Variants in GAPVD1 observed in about 807,000 individuals in gnomAD.
The protein encoded by GAPVD1 is GTPase activating protein and VPS9 domains 1, also known as GTPase-activating protein and VPS9 domain-containing protein 1.
GAPVD1 carries 35 observed loss-of-function variants against 155.5 expected under a neutral mutation model. That is an observed-to-expected ratio of 0.23 (90% confidence interval 0.17 to 0.30). GAPVD1 has a LOEUF of 0.30. Among genes scored for constraint, GAPVD1 ranks in the 10% least tolerant of loss-of-function variants. The pLI, the probability that GAPVD1 is intolerant of heterozygous loss-of-function variation, is 1.00. For synonymous variants in GAPVD1, 636 were observed against 619.7 expected (o/e 1.03, Z -0.39); for missense variants, 1,429 against 1,775.7 (o/e 0.80, Z 3.51).
At chr9:125,316,321 C>T (rs983723059) in intron 9 of GAPVD1, among the ~76,000 whole-genome samples, 1 of 151,990 alleles carries the variant, frequency 6.6e-6, no homozygotes, top group Non-Finnish European at 1.5e-5. Flanking sequence ...AATGATATCC[C>T]TCCCCTAACC....
At chr9:125,312,355 A>G in intron 8 of GAPVD1, 97 bp from the exon 9 acceptor site, 1 of 762,594 alleles carries the variant, frequency 1.3e-6, no homozygotes, top group Non-Finnish European at 2.1e-6. Flanking sequence ...TGCATGTGCA[A>G]ATGTTCTGCA....
intron 21 of GAPVD1, 68 bp from the exon 22 acceptor site, chr9:125,350,227 A>G (rs1001129011): frequency 3.3e-6 from 3 of 899,048 alleles, no homozygotes; most frequent in Non-Finnish European, 5.3e-6. Flanking sequence ...TAATTTATAT[A>G]GTAAATATTT....
intron 2 of GAPVD1, among the ~76,000 whole-genome samples, chr9:125,272,230 G>T (rs1835033340): frequency 6.6e-6 from 1 of 152,006 alleles, no homozygotes; most frequent in Admixed American, 6.6e-5. Flanking sequence ...CACCATCTTG[G>T]CCAGGCTGGT....
At chr9:125,313,063 G>A (rs1020931350) in intron 9 of GAPVD1, among the ~76,000 whole-genome samples, 2 of 152,008 alleles carry the variant, frequency 1.3e-5, no homozygotes, top group Non-Finnish European at 2.9e-5. Context: ...GAGGTGATCC[G>A]CCTGCCTTTG....
chr9:125,314,040 G>A (rs1843030183), intron 9 of GAPVD1, among the ~76,000 whole-genome samples: 2 of 152,214 alleles, frequency 1.3e-5, no homozygotes, highest in Admixed American at 1.3e-4. Context: ...ATAGGTCCAA[G>A]CATAAGGAAT....
intron 4 of GAPVD1, among the ~76,000 whole-genome samples, chr9:125,300,184 ATT>A (rs762955122): frequency 7.9e-6 from 1 of 126,736 alleles, no homozygotes; most frequent in Non-Finnish European, 1.7e-5. Context: ...CATTTATTTT[ATT>A]TTTTTTTTTT....
chr9:125,349,254 T>C (rs979026235), intron 20 of GAPVD1, 136 bp from the exon 21 acceptor site: 1 of 709,542 alleles, frequency 1.4e-6, no homozygotes, highest in Non-Finnish European at 2.3e-6. Flanking sequence ...AGTTTGTTTT[T>C]TCTTTCTTTT....
chr9:125,323,127 A>G (rs1844620814), intron 10 of GAPVD1, among the ~76,000 whole-genome samples: 1 of 150,262 alleles, frequency 6.7e-6, no homozygotes, highest in African/African-American at 2.4e-5. Context: ...ATTTTTTGAG[A>G]TGGAGTCTCA....
chr9:125,312,764 A>G (rs529564658), intron 9 of GAPVD1, 152 bp downstream of exon 9: 47 of 554,034 alleles, frequency 8.5e-5, no homozygotes, highest in Non-Finnish European at 1.3e-4. Flanking sequence ...AGGCAGATTC[A>G]GTGTCTTGTA....
intron 2 of GAPVD1, among the ~76,000 whole-genome samples, chr9:125,281,706 A>G (rs1236904761): frequency 6.6e-6 from 1 of 152,124 alleles, no homozygotes; most frequent in Non-Finnish European, 1.5e-5. Context: ...AGCATACTAT[A>G]TTACATTTAG....
intron 2 of GAPVD1, 40 bp from the exon 3 acceptor site, chr9:125,295,418 T>G (rs1839680532): frequency 6.7e-6 from 1 of 148,846 alleles, no homozygotes; most frequent in African/African-American, 2.5e-5. Context: ...TATCAAACCC[T>G]TTTCCTCAAT....
chr9:125,262,889 A>G (rs897018648), intron 1 of GAPVD1, among the ~76,000 whole-genome samples: 1 of 152,202 alleles, frequency 6.6e-6, no homozygotes, highest in Non-Finnish European at 1.5e-5. Flanking sequence ...TTTGTGATCA[A>G]TAAAAATTAC....
rs1564310971 is a variant in GAPVD1, at chr9:125,293,856, A to ATATATATAAATATATTT, written c.-149-1594_-149-1593insAATATATTTTATATATA. On this transcript the variant is annotated intron_variant, in intron 2 of 27. Transcript: ENST00000297933. Reference sequence around the variant, plus strand: ...ATATATATATAAAAATATATTTTATATATATATATATATATATATATATAT... The same window carrying ATATATATAAATATATTT: ...ATATATATATAAAAATATATTTTATATATATATAAATATATTTTATATATATATATATATATATATAT... Among the ~76,000 whole-genome samples the ATATATATAAATATATTT allele has an allele frequency of 1.5e-3, 9 of 6,178 alleles. No individual in the cohort carries two copies. In the East Asian group the frequency reaches 0.015, roughly 11 times the overall value. The allele number at this position is 6,178 out of a possible 152,430, so 4.1% of individuals were successfully genotyped here. A position where few individuals can be genotyped will look rare whatever the true frequency, so the allele number is the denominator to read the frequency against.
intron 9 of GAPVD1, among the ~76,000 whole-genome samples, chr9:125,312,998 T>G (rs559663663): frequency 1.3e-5 from 2 of 152,122 alleles, no homozygotes; most frequent in Non-Finnish European, 2.9e-5. Context: ...TTTTGTATTT[T>G]TAGTAGAGAC....
intron 19 of GAPVD1, among the ~76,000 whole-genome samples, chr9:125,344,759 G>A (rs940062414): frequency 6.6e-6 from 1 of 150,376 alleles, no homozygotes; most frequent in African/African-American, 2.5e-5. Context: ...ATTAAGCTAT[G>A]TGCCACTGCA....
intron 25 of GAPVD1, among the ~76,000 whole-genome samples, chr9:125,356,733 G>A (rs1464507977): frequency 6.6e-6 from 1 of 152,094 alleles, no homozygotes; most frequent in African/African-American, 2.4e-5. Flanking sequence ...GTGCAGTGGC[G>A]TGATCTCAGC....
intron 10 of GAPVD1, among the ~76,000 whole-genome samples, chr9:125,322,373 T>G (rs1424925123): frequency 6.6e-6 from 1 of 152,138 alleles, no homozygotes; most frequent in African/African-American, 2.4e-5. Flanking sequence ...CCCGGGTTTT[T>G]TTTTATTTAA....
At chr9:125,344,140 T>C (rs985892027) in intron 19 of GAPVD1, among the ~76,000 whole-genome samples, 3 of 152,214 alleles carry the variant, frequency 2.0e-5, no homozygotes, top group African/African-American at 7.2e-5. Flanking sequence ...TAATGACTCA[T>C]TGAAAGTTTT....
intron 2 of GAPVD1, among the ~76,000 whole-genome samples, chr9:125,273,486 T>C (rs948954141): frequency 6.6e-6 from 1 of 151,786 alleles, no homozygotes; most frequent in African/African-American, 2.4e-5. Flanking sequence ...ATTTTTATTG[T>C]TTTTCTTTTC....
Sources: allele counts gnomAD v4.1 joint callset (sites outside exome capture counted in the v4.1 genomes callset), GRCh38; gene constraint gnomAD v4.1.1; transcripts MANE v1.5; gene names NCBI Gene and HGNC (gene_info 2026-07-23, HGNC 2026-07-21).